RUNX3: variants seen among roughly 807,000 people sequenced by gnomAD.
RUNX3 encodes runt-related transcription factor 3.
Under a neutral mutation model 27.7 loss-of-function variants are expected in RUNX3, and 10 were observed. The observed-to-expected ratio is 0.36, with a 90% CI of 0.22 to 0.61. The LOEUF (loss-of-function observed/expected upper bound fraction) is 0.61, where lower values mean the gene tolerates loss of function less well. Among genes scored for constraint, RUNX3 ranks in the 20% least tolerant of loss-of-function variants. The pLI is 0.72. For synonymous variants in RUNX3, 270 were observed against 269.2 expected (o/e 1.00, Z -0.03); for missense variants, 469 against 629.5 (o/e 0.75, Z 2.73).
rs1477845667 is a variant in RUNX3 at position 24,916,301 on chromosome 1, C to A, written c.544+2939G>T. Among the ~76,000 whole-genome samples the A allele has an allele frequency of 6.6e-6, 1 of 152,220 alleles. No homozygotes were observed. Among genetic ancestry groups the A allele is most frequent in the East Asian group, 1.9e-4 (1 of 5,192 alleles). On this transcript the variant is annotated intron_variant, in intron 3 of 4. Coordinates refer to ENST00000308873, the MANE Select transcript of RUNX3 (RefSeq NM_004350.3). The surrounding 1 kb of genome is among the most constrained non-coding windows in gnomAD (Gnocchi z 4.8). ...CGGTAAACTCAGTCAACCTTCACAGCGACTCCCCTAGGCAGACACCAATAC... is the reference window on the plus strand; with the variant it reads ...CGGTAAACTCAGTCAACCTTCACAGAGACTCCCCTAGGCAGACACCAATAC...
Position 24,929,044 on chromosome 1 carries a change from CG to C in RUNX3, c.282+542del, listed in dbSNP as rs1557846341. 6.6e-6 allele frequency: 3 copies of C among 457,218 alleles called. No homozygotes were observed. The East Asian group carries it at 2.1e-4, about 32-fold the overall frequency. 28.3% of individuals were successfully genotyped at this position (457,218 alleles called of 1,614,324 possible). A position where few individuals can be genotyped will look rare whatever the true frequency, so the allele number is the denominator to read the frequency against. The stretch of plus-strand genomic sequence containing the variant: ...GGTCCCCCAATCTCAACTCGCCATT[CG>C]GGACGCATAATATCCCCGAGCAAAC... On this transcript the variant is annotated intron_variant, in intron 1 of 4. Coordinates refer to ENST00000308873, the MANE Select transcript of RUNX3 (RefSeq NM_004350.3).
rs564652362 is a variant in RUNX3, at chr1:24,927,159, A to G, written c.439+415T>C. On this transcript the variant is annotated intron_variant, in intron 2 of 4. Coordinates refer to ENST00000308873, the MANE Select transcript of RUNX3 (RefSeq NM_004350.3). This position sits in a 1 kb window ranked among gnomAD's most constrained non-coding sequence, Gnocchi z 5.0. ...GAGTGTGGGGGATATTCTGCCCCCT[A>G]TGGAGAGAGTGGCTGGGGTGCTTGG... 6.6e-6 allele frequency among the ~76,000 whole-genome samples: 1 copy of G among 152,252 alleles called. No homozygotes were observed. The highest frequency in any genetic ancestry group is 1.9e-4 in the East Asian group (1 of 5,178).
At chr1:24,964,191 T>A (rs1393684643) in intron 2 of RUNX3, among the ~76,000 whole-genome samples, 2 of 152,166 alleles carry the variant, frequency 1.3e-5, no homozygotes, top group African/African-American at 4.8e-5. Context: ...GGGGCCCTGT[T>A]AGTGAAGCAG....
intron 3 of RUNX3, among the ~76,000 whole-genome samples, chr1:24,914,235 T>C (rs548558451): frequency 9.3e-4 from 142 of 152,276 alleles, no homozygotes; most frequent in African/African-American, 3.2e-3. Context: ...AGGAACAGCA[T>C]CGTCTGCTGG....
chr1:24,950,187 T>C (rs1181958041), intron 2 of RUNX3, among the ~76,000 whole-genome samples: 1 of 152,234 alleles, frequency 6.6e-6, no homozygotes, highest in Non-Finnish European at 1.5e-5. Flanking sequence ...TTTCCTTTCT[T>C]CTGTGGACTC....
chr1:24,958,292 ATGCAGTTTAAGCCT>A, intron 2 of RUNX3, among the ~76,000 whole-genome samples: 1 of 152,372 alleles, frequency 6.6e-6, no homozygotes, highest in East Asian at 1.9e-4. Flanking sequence ...CCCAGCTACC[ATGCAGTTTAAGCCT>A]AGATTGTTCT....
chr1:24,963,514 C>G (rs766882407), intron 2 of RUNX3, among the ~76,000 whole-genome samples: 4 of 152,186 alleles, frequency 2.6e-5, no homozygotes, highest in Non-Finnish European at 4.4e-5. Context: ...CACCCCCAGG[C>G]TCAGACAATG....
chr1:24,929,488 G>T, intron 1 of RUNX3, 99 bp downstream of exon 1: 1 of 1,230,800 alleles, frequency 8.1e-7, no homozygotes, highest in Non-Finnish European at 1.2e-6. Context: ...GGCGTCTCGG[G>T]CACCTCCCAT....
At chr1:24,936,918 A>G (rs982364659) in intron 2 of RUNX3, among the ~76,000 whole-genome samples, 2 of 152,246 alleles carry the variant, frequency 1.3e-5, no homozygotes, top group Non-Finnish European at 2.9e-5. Context: ...AATAAAAGCC[A>G]CATGGCTTTC....
At chr1:24,964,033 G>A (rs931173266) in intron 2 of RUNX3, among the ~76,000 whole-genome samples, 2 of 152,168 alleles carry the variant, frequency 1.3e-5, no homozygotes, top group Non-Finnish European at 2.9e-5. Flanking sequence ...CTCTGCTTCT[G>A]ATACCCCAGG....
At chr1:24,957,730 G>A (rs182593103) in intron 2 of RUNX3, among the ~76,000 whole-genome samples, 104 of 152,318 alleles carry the variant, frequency 6.8e-4, no homozygotes, top group African/African-American at 2.4e-3. Context: ...CTGTGCACGT[G>A]ATACACACTA....
Position 24,929,697 on chromosome 1 carries a change from C to T in RUNX3, c.172G>A (p.Val58Met). ...AGCTCGCCTGCGTGGTCCGCCAGCACGTCCACCATCGAGCGCACCTCGGGC... is the reference window on the plus strand; with the variant it reads ...AGCTCGCCTGCGTGGTCCGCCAGCATGTCCACCATCGAGCGCACCTCGGGC... ...ARPEVRSMVD[V>M]LADHAGELVR... The change falls in exon 1 of 5, where the codon GTG becomes ATG. Residue 58 changes from valine to methionine, a missense_variant. Physicochemically the swap from Val to Met is conservative, Grantham distance 21. This residue lies in a region of RUNX3 where 115 missense variants were observed against 118.0 expected (regional missense o/e 0.97). Transcript: ENST00000308873. The T allele has an allele frequency of 6.4e-7, 1 of 1,570,452 alleles. No homozygotes were observed. Among genetic ancestry groups the T allele is most frequent in the East Asian group, 2.4e-5 (1 of 40,930 alleles).
rs184052985 is a variant in RUNX3, at chr1:24,936,974, A to C, written c.59-7122T>G. ...AAAAAAAAGTGCAGCCCTTTGCGGAAATAAATCAACTATGTGCTGTACGCA... is the reference window on the plus strand; with the variant it reads ...AAAAAAAAGTGCAGCCCTTTGCGGACATAAATCAACTATGTGCTGTACGCA... On this transcript the variant is annotated intron_variant, in intron 2 of 6. Coordinates refer to the RUNX3 transcript ENST00000338888. Among the ~76,000 whole-genome samples, 165 of 152,346 alleles carry C rather than the reference A, an allele frequency of 1.1e-3. 1 individual carries two copies. Among genetic ancestry groups the C allele is most frequent in the African/African-American group, 3.8e-3 (157 of 41,590 alleles).
At position 24,902,012 on chromosome 1, in the gene RUNX3, C is replaced by T; in HGVS notation, c.*110G>A. 1 of 1,073,282 alleles carries T rather than the reference C, an allele frequency of 9.3e-7. No homozygotes were observed. Among genetic ancestry groups the T allele is most frequent in the Non-Finnish European group, 1.3e-6 (1 of 768,936 alleles). The allele number at this position is 1,073,282 out of a possible 1,614,324, so 66.5% of individuals were successfully genotyped here. ...GCTGGGACCACCCTGGGACCGAGAC[C>T]ACCCTGGAGCGCAGGTCCCATTCCC... is the stretch of plus-strand genomic sequence containing the variant. On this transcript the variant is annotated 3_prime_UTR_variant, in exon 5 of 5. Coordinates refer to ENST00000308873, the MANE Select transcript of RUNX3 (RefSeq NM_004350.3). The surrounding 1 kb of genome is among the most constrained non-coding windows in gnomAD (Gnocchi z 9.2).
In RUNX3 at chr1:24,927,785, A is replaced by C; in HGVS notation, c.283-55T>G. 1.3e-6 allele frequency: 2 copies of C among 1,548,890 alleles called. No individual in the cohort carries two copies. The highest frequency in any genetic ancestry group is 1.8e-6 in the Non-Finnish European group (2 of 1,123,480). On this transcript the variant is annotated intron_variant, in intron 1 of 4. Coordinates refer to ENST00000308873, the MANE Select transcript of RUNX3 (RefSeq NM_004350.3). This position sits in a 1 kb window ranked among gnomAD's most constrained non-coding sequence, Gnocchi z 5.0. ...GGACAGCTTAGAAAGGAAGAGGGTG[A>C]CCAGGGAAAGGAGGGGAGGGGCTGG...
rs966511927 is a variant in RUNX3 at position 24,962,642 on chromosome 1, C to T, written c.58+1872G>A. The stretch of plus-strand genomic sequence containing the variant: ...GCCCTCGGGCCACAGACCCCAGATC[C>T]AAACATCTCCACAGACCCTAGCCTA... On this transcript the variant is annotated intron_variant, in intron 2 of 6. Transcript: ENST00000338888. This position sits in a 1 kb window ranked among gnomAD's most constrained non-coding sequence, Gnocchi z 4.5. 4.6e-5 allele frequency among the ~76,000 whole-genome samples: 7 copies of T among 152,228 alleles called. No homozygotes were observed. The highest frequency in any genetic ancestry group is 1.0e-4 in the Non-Finnish European group (7 of 68,044).
upstream of RUNX3, among the ~76,000 whole-genome samples, chr1:24,934,260 C>T (rs987325784): frequency 5.9e-5 from 9 of 152,118 alleles, no homozygotes; most frequent in East Asian, 3.8e-4. Context: ...TCCTGTAGGC[C>T]GGGGGTCCAG....
chr1:24,953,385 G>A (rs796522958), intron 2 of RUNX3, among the ~76,000 whole-genome samples: 1,328 of 39,922 alleles, frequency 0.033, no homozygotes, highest in East Asian at 0.04. Flanking sequence ...AAAAAGAAAA[G>A]AAAAGAAAAG....
rs1312900276 is a variant in RUNX3 at position 24,904,208 on chromosome 1, G to A, written c.704-1542C>T. On this transcript the variant is annotated intron_variant, in intron 4 of 4. Coordinates refer to ENST00000308873, the MANE Select transcript of RUNX3 (RefSeq NM_004350.3). The surrounding 1 kb of genome is among the most constrained non-coding windows in gnomAD (Gnocchi z 5.7). ...GCCGGTGCTAGCCGGAGTGGGCTCT[G>A]CCTGCCACGCCGAGGCTTGGCTGAG... Among the ~76,000 whole-genome samples the A allele has an allele frequency of 6.6e-6, 1 of 152,214 alleles. No individual in the cohort carries two copies. Among genetic ancestry groups the A allele is most frequent in the Non-Finnish European group, 1.5e-5 (1 of 68,030 alleles).
Sources: gnomAD v4.1 joint callset for allele counts (sites outside exome capture counted in the v4.1 genomes callset) on GRCh38, gnomAD v4.1.1 for gene constraint, gnomAD v4.1.1 regional missense constraint, Gnocchi (gnomAD v3.1) non-coding constraint, MANE v1.5 for transcripts, NCBI Gene and HGNC (gene_info 2026-07-23, HGNC 2026-07-21) for gene names.